The following MMP26 variants were observed in gnomAD, a reference collection of about 807,000 sequenced individuals.
MMP26 encodes the protein matrix metalloproteinase-26.
MMP26 carries 33 observed loss-of-function variants against 31.0 expected under a neutral mutation model. That is an observed-to-expected ratio of 1.06 (90% CI 0.81 to 1.42). MMP26 has a LOEUF of 1.42. Among genes scored for constraint, MMP26 ranks in the 40% most tolerant of loss-of-function variants. MMP26 has a pLI of 0.00. For missense variants in MMP26, 347 were observed against 316.1 expected, an observed-to-expected ratio of 1.10 and a Z score of -0.74; for synonymous variants, 122 against 114.9, an observed-to-expected ratio of 1.06 and a Z score of -0.40.
chr11:4,812,819 A>T (rs1333808711), intron 2 of MMP26, among the ~76,000 whole-genome samples: 1 of 152,182 alleles, frequency 6.6e-6, no homozygotes, highest in African/African-American at 2.4e-5. Context: ...CTGTGGAGAC[A>T]TATAGCCTTC....
intron 2 of MMP26, chr11:4,769,770 C>G: frequency 6.2e-7 from 1 of 1,613,860 alleles, no homozygotes; most frequent in Non-Finnish European, 8.5e-7. Context: ...GTAATGATGA[C>G]AAACAGGATC....
intron 2 of MMP26, among the ~76,000 whole-genome samples, chr11:4,858,349 C>T (rs1850088570): frequency 6.6e-6 from 1 of 152,182 alleles, no homozygotes; most frequent in Non-Finnish European, 1.5e-5. Flanking sequence ...CCCAAAATCT[C>T]CTTAAGCTGA....
intron 2 of MMP26, chr11:4,955,605 A>G (rs371086661): frequency 2.1e-6 from 3 of 1,452,442 alleles, no homozygotes; most frequent in African/African-American, 1.4e-5. Context: ...GCAATAAGAT[A>G]CATGCTGCAG....
intron 2 of MMP26, among the ~76,000 whole-genome samples, chr11:4,810,674 T>G (rs889607172): frequency 2.0e-5 from 3 of 152,110 alleles, no homozygotes; most frequent in East Asian, 1.9e-4. Flanking sequence ...CACCTCTGAG[T>G]GCGTGATTAT....
At chr11:4,765,573 G>T (rs1171495480) in intron 1 of MMP26, among the ~76,000 whole-genome samples, 1 of 152,088 alleles carries the variant, frequency 6.6e-6, no homozygotes, top group African/African-American at 2.4e-5. Flanking sequence ...AGATCTTGTT[G>T]GTTCCTGTGA....
At chr11:4,862,484 T>C (rs1186176328) in intron 2 of MMP26, among the ~76,000 whole-genome samples, 2 of 152,156 alleles carry the variant, frequency 1.3e-5, no homozygotes, top group Non-Finnish European at 2.9e-5. Context: ...TGCAGATGAA[T>C]TAAAAATCTT....
At chr11:4,735,030 C>T (rs941270140) in intron 1 of MMP26, among the ~76,000 whole-genome samples, 3 of 152,122 alleles carry the variant, frequency 2.0e-5, no homozygotes, top group Non-Finnish European at 4.4e-5. Context: ...CAATATGGAG[C>T]CGGGGTGAGA....
intron 2 of MMP26, among the ~76,000 whole-genome samples, chr11:4,853,986 A>G (rs529391482): frequency 6.6e-6 from 1 of 152,342 alleles, no homozygotes; most frequent in Non-Finnish European, 1.5e-5. Flanking sequence ...TTTCAACATC[A>G]ACTAATACAC....
At position 4,707,559 on chromosome 11, in the gene MMP26, C is replaced by G. The variant is rs551335102; in HGVS notation, c.-217+2514C>G. On this transcript the variant is annotated intron_variant, in intron 1 of 7. Coordinates refer to ENST00000380390, the MANE Select transcript of MMP26 (RefSeq NM_021801.5). ...CCTTGAGGTCATTACTTGCTCTCCA[C>G]TTCAACTGGGAAAATAAATGTTTTT... Among the ~76,000 whole-genome samples the G allele has an allele frequency of 6.7e-4, 102 of 152,310 alleles. 1 individual carries two copies. Among genetic ancestry groups the G allele is most frequent in the African/African-American group, 2.4e-3 (98 of 41,576 alleles).
At chr11:4,852,790 A>G (rs546344850) in intron 2 of MMP26, among the ~76,000 whole-genome samples, 3 of 152,308 alleles carry the variant, frequency 2.0e-5, no homozygotes, top group Non-Finnish European at 4.4e-5. Flanking sequence ...AGCATTATTC[A>G]TAATAGCCAA....
At chr11:4,911,091 C>A (rs990998661) in intron 2 of MMP26, among the ~76,000 whole-genome samples, 4 of 152,162 alleles carry the variant, frequency 2.6e-5, no homozygotes, top group African/African-American at 9.7e-5. Context: ...GCAGTCACTG[C>A]AAATTCTGAT....
rs368156110 is a variant in MMP26, at chr11:4,717,475, G to T, written c.-217+12430G>T. 4.6e-5 allele frequency among the ~76,000 whole-genome samples: 7 copies of T among 151,582 alleles called. No individual in the cohort carries two copies. In the East Asian group the frequency reaches 1.2e-3, roughly 25 times the overall value. On this transcript the variant is annotated intron_variant, in intron 1 of 7. Transcript: ENST00000380390. ...GGAAGAAGAGATGAAATGAGAAAGA[G>T]ATATTAACCAGTGGATATTACCTAA...
intron 2 of MMP26, among the ~76,000 whole-genome samples, chr11:4,964,673 G>C (rs772980427): frequency 5.3e-5 from 8 of 152,024 alleles, no homozygotes; most frequent in Non-Finnish European, 8.8e-5. Flanking sequence ...AAACCTAAAT[G>C]CTCACAAATG....
chr11:4,748,483 C>A (rs549179322), intron 1 of MMP26, among the ~76,000 whole-genome samples: 4 of 150,394 alleles, frequency 2.7e-5, no homozygotes, highest in Admixed American at 6.7e-5. Flanking sequence ...GGCATGTACA[C>A]ACATGAAAAT....
intron 2 of MMP26, among the ~76,000 whole-genome samples, chr11:4,925,244 A>G (rs1185469312): frequency 3.3e-5 from 5 of 152,198 alleles, no homozygotes; most frequent in African/African-American, 9.6e-5. Context: ...AAACCCTGAC[A>G]TTGTACTGCA....
intron 2 of MMP26, among the ~76,000 whole-genome samples, chr11:4,795,816 G>A (rs568908598): frequency 6.0e-5 from 9 of 150,676 alleles, no homozygotes; most frequent in South Asian, 2.1e-4. Flanking sequence ...GGACGAAGGG[G>A]ACAGGGAGAG....
At position 4,954,162 on chromosome 11, in the gene MMP26, A is replaced by T. The variant is rs184377081; in HGVS notation, c.-144-33906A>T. Among the ~76,000 whole-genome samples, 26 of 125,578 alleles carry T rather than the reference A, an allele frequency of 2.1e-4. 6 individuals are homozygous for T. Among genetic ancestry groups the T allele is most frequent in the Non-Finnish European group, 4.1e-4 (23 of 55,526 alleles). The allele number at this position is 125,578 out of a possible 152,430, so 82.4% of individuals were successfully genotyped here. On this transcript the variant is annotated intron_variant, in intron 2 of 7. Transcript: ENST00000380390. The stretch of plus-strand genomic sequence containing the variant: ...GCCTTTTTAATTACTCTTGCCTTGC[A>T]TAGCGAATCTTTTATAAGGCAGGGA...
At chr11:4,801,040 A>G (rs1314269842) in intron 2 of MMP26, among the ~76,000 whole-genome samples, 1 of 152,118 alleles carries the variant, frequency 6.6e-6, no homozygotes, top group Admixed American at 6.6e-5. Flanking sequence ...GTTCATGTGG[A>G]CTTAGTTCAT....
chr11:4,850,644 A>G (rs1849961685), intron 2 of MMP26, among the ~76,000 whole-genome samples: 1 of 152,046 alleles, frequency 6.6e-6, no homozygotes. Flanking sequence ...TTTTCAGGAT[A>G]ATGATATAGA....
Sources: gnomAD v4.1 joint callset for allele counts (sites outside exome capture counted in the v4.1 genomes callset) on GRCh38, gnomAD v4.1.1 for gene constraint, MANE v1.5 for transcripts, NCBI Gene and HGNC (gene_info 2026-07-23, HGNC 2026-07-21) for gene names.